PRKCB: variants seen among roughly 807,000 people sequenced by gnomAD.
PRKCB encodes protein kinase C beta type.
Under a neutral mutation model 81.5 loss-of-function variants are expected in PRKCB, and 13 were observed. The ratio of observed to expected loss-of-function variants is 0.16; its 90% CI spans 0.10 to 0.25. The LOEUF (loss-of-function observed/expected upper bound fraction) is 0.25. Among genes scored for constraint, PRKCB ranks in the 10% least tolerant of loss-of-function variants. The pLI, the probability that PRKCB is intolerant of heterozygous loss-of-function variation, is 1.00. For missense variants in PRKCB, 509 were observed against 875.7 expected, an observed-to-expected ratio of 0.58 and a Z score of 5.29; for synonymous variants, 335 against 321.4, an observed-to-expected ratio of 1.04 and a Z score of -0.45.
intron 3 of PRKCB, among the ~76,000 whole-genome samples, chr16:24,013,492 A>G (rs1356232737): frequency 1.3e-5 from 2 of 152,036 alleles, no homozygotes; most frequent in Non-Finnish European, 2.9e-5. Flanking sequence ...ATAGTCAAAA[A>G]CCTGTTTTAC....
intron 15 of PRKCB, among the ~76,000 whole-genome samples, chr16:24,189,918 T>G (rs992191089): frequency 1.3e-5 from 2 of 152,164 alleles, no homozygotes; most frequent in Non-Finnish European, 2.9e-5. Flanking sequence ...TTTGGACTTG[T>G]ATGCTTCTTT....
At chr16:24,040,439 G>T (rs1965684568) in intron 5 of PRKCB, among the ~76,000 whole-genome samples, 1 of 152,076 alleles carries the variant, frequency 6.6e-6, no homozygotes, top group Admixed American at 6.5e-5. Flanking sequence ...CATCTAATAA[G>T]CTTCCTCCAA....
chr16:24,018,805 A>T (rs915257629), intron 3 of PRKCB, among the ~76,000 whole-genome samples: 1 of 152,244 alleles, frequency 6.6e-6, no homozygotes, highest in African/African-American at 2.4e-5. Flanking sequence ...GAACAAAATG[A>T]AAGATCGTCA....
At chr16:23,997,835 T>C (rs1216504982) in intron 3 of PRKCB, among the ~76,000 whole-genome samples, 4 of 152,202 alleles carry the variant, frequency 2.6e-5, no homozygotes, top group African/African-American at 7.2e-5. Context: ...CTTGTTATTC[T>C]TTATTTGGAG....
At position 24,051,191 on chromosome 16, in the gene PRKCB, A is replaced by G. The variant is rs1965837781; in HGVS notation, c.529+15644A>G. Among the ~76,000 whole-genome samples the G allele has an allele frequency of 4.6e-5, 7 of 152,348 alleles. No homozygotes were observed. In the South Asian group the frequency reaches 1.5e-3, roughly 32 times the overall value. ...ATGAAAGGCCACACAGGGAAGCAGC[A>G]GGGTCTGCCAGGAGGCAGAGGAAGC... On this transcript the variant is annotated intron_variant, in intron 5 of 16. Coordinates refer to ENST00000643927, the MANE Select transcript of PRKCB (RefSeq NM_002738.7).
intron 3 of PRKCB, among the ~76,000 whole-genome samples, chr16:24,003,001 T>C (rs974978536): frequency 1.5e-4 from 23 of 151,988 alleles, no homozygotes; most frequent in Admixed American, 1.4e-3. Context: ...AGTCAGTCAG[T>C]ATTTATTATG....
intron 2 of PRKCB, among the ~76,000 whole-genome samples, chr16:23,938,785 A>C (rs79709522): frequency 2.6e-3 from 402 of 152,350 alleles, no homozygotes; most frequent in African/African-American, 9.4e-3. Context: ...AAAATCAATG[A>C]CTTAAATATA....
chr16:24,172,156 T>C, intron 10 of PRKCB, 114 bp from the exon 11 acceptor site: 1 of 737,566 alleles, frequency 1.4e-6, no homozygotes, highest in East Asian at 2.7e-5. Flanking sequence ...CAAACAGGGA[T>C]CTGTCAGAGA....
chr16:23,917,932 T>G (rs1963766715), intron 2 of PRKCB, among the ~76,000 whole-genome samples: 2 of 152,178 alleles, frequency 1.3e-5, no homozygotes, highest in Admixed American at 1.3e-4. Context: ...GCATTTCACA[T>G]TTGGTTTCTT....
chr16:24,160,937 G>A (rs913740103), intron 10 of PRKCB, among the ~76,000 whole-genome samples: 4 of 152,136 alleles, frequency 2.6e-5, no homozygotes, highest in Non-Finnish European at 4.4e-5. Context: ...GAGGAACAGC[G>A]AGGAGGCCGG....
chr16:23,957,132 T>G (rs1964360229), intron 2 of PRKCB, among the ~76,000 whole-genome samples: 1 of 151,980 alleles, frequency 6.6e-6, no homozygotes, highest in African/African-American at 2.4e-5. Context: ...AAAAGGAGAA[T>G]GTATTCATGA....
At chr16:24,063,632 G>T (rs1181996192) in intron 5 of PRKCB, among the ~76,000 whole-genome samples, 1 of 152,024 alleles carries the variant, frequency 6.6e-6, no homozygotes, top group Non-Finnish European at 1.5e-5. Flanking sequence ...TTTTTTATAA[G>T]GGGAGAAAGA....
At chr16:24,024,869 T>C (rs576331928) in intron 3 of PRKCB, among the ~76,000 whole-genome samples, 1 of 152,272 alleles carries the variant, frequency 6.6e-6, no homozygotes, top group African/African-American at 2.4e-5. Context: ...TTGAGGGTCG[T>C]GGAGGGAGTC....
intron 3 of PRKCB, among the ~76,000 whole-genome samples, chr16:24,004,377 A>G (rs1965085814): frequency 6.6e-6 from 1 of 151,190 alleles, no homozygotes. Context: ...AAGAAATAGG[A>G]CTCAAAACAA....
At chr16:24,029,921 GA>G (rs886837093) in intron 3 of PRKCB, among the ~76,000 whole-genome samples, 1 of 152,090 alleles carries the variant, frequency 6.6e-6, no homozygotes, top group Non-Finnish European at 1.5e-5. Flanking sequence ...TTAAGAGAGA[GA>G]GGGTCTTGCT....
intron 9 of PRKCB, among the ~76,000 whole-genome samples, chr16:24,147,798 G>A (rs1023190608): frequency 1.3e-5 from 2 of 152,170 alleles, no homozygotes; most frequent in African/African-American, 2.4e-5. Context: ...TTCTTCATCT[G>A]TAAAATAGGG....
rs542028487 is a variant in PRKCB at position 23,988,472 on chromosome 16, C to T, written c.206-36C>T. On this transcript the variant is annotated intron_variant, in intron 2 of 16. Coordinates refer to ENST00000643927, the MANE Select transcript of PRKCB (RefSeq NM_002738.7). Reference sequence around the variant, plus strand: ...TCTCTTCCTCCTCTCCGCTTTCCTTCTTCCCTTCCTCCCACCCTGATTTTC... The same window carrying T: ...TCTCTTCCTCCTCTCCGCTTTCCTTTTTCCCTTCCTCCCACCCTGATTTTC... The T allele has an allele frequency of 5.7e-6, 9 of 1,574,996 alleles. No homozygotes were observed. The South Asian group carries it at 8.9e-5, about 16-fold the overall frequency.
intron 2 of PRKCB, among the ~76,000 whole-genome samples, chr16:23,967,204 C>A (rs972772469): frequency 3.9e-5 from 6 of 152,120 alleles, no homozygotes; most frequent in African/African-American, 1.4e-4. Flanking sequence ...GTTATTGTGG[C>A]TTTTTCTGCC....
intron 2 of PRKCB, among the ~76,000 whole-genome samples, chr16:23,954,462 C>G (rs564533875): frequency 1.2e-4 from 18 of 152,320 alleles, no homozygotes; most frequent in African/African-American, 4.1e-4. Flanking sequence ...AACCTTCTAT[C>G]AAGAGCCATG....
Sources: allele counts gnomAD v4.1 joint callset (sites outside exome capture counted in the v4.1 genomes callset), GRCh38; gene constraint gnomAD v4.1.1; transcripts MANE v1.5; gene names NCBI Gene and HGNC (gene_info 2026-07-23, HGNC 2026-07-21).